LRP1B: variants seen among roughly 807,000 people sequenced by gnomAD.
LRP1B encodes the protein low-density lipoprotein receptor-related protein 1B.
Under a neutral mutation model 556.6 loss-of-function variants are expected in LRP1B, and 217 were observed. The observed-to-expected ratio is 0.39, with a 90% confidence interval of 0.35 to 0.44. The LOEUF (loss-of-function observed/expected upper bound fraction) is 0.44, where lower values mean the gene tolerates loss of function less well. Among genes scored for constraint, LRP1B ranks in the 20% least tolerant of loss-of-function variants. The pLI, the probability that LRP1B is intolerant of heterozygous loss-of-function variation, is 1.00. For synonymous variants in LRP1B, 2,047 were observed against 1,865.8 expected (o/e 1.10, Z -2.50); for missense variants, 5,053 against 5,620.8 (o/e 0.90, Z 3.23).
intron 22 of LRP1B, among the ~76,000 whole-genome samples, chr2:140,906,891 C>T (rs538390730): frequency 6.0e-5 from 9 of 150,130 alleles, no homozygotes; most frequent in African/African-American, 1.5e-4. Context: ...TTAGCCTCAT[C>T]GAATGAAGAC....
At chr2:141,386,935 T>G (rs1467610493) in intron 3 of LRP1B, among the ~76,000 whole-genome samples, 2 of 152,008 alleles carry the variant, frequency 1.3e-5, no homozygotes, top group African/African-American at 4.8e-5. Flanking sequence ...CATTCTCCAG[T>G]ATAGATAGTA....
At chr2:140,903,317 G>A (rs1371004359) in intron 22 of LRP1B, 152 bp from the exon 23 acceptor site, 2 of 800,264 alleles carry the variant, frequency 2.5e-6, no homozygotes, top group African/African-American at 3.5e-5. Context: ...TGCTTCAGGG[G>A]TTGGTATAGA....
chr2:141,228,237 C>T (rs975610260), intron 6 of LRP1B, among the ~76,000 whole-genome samples: 3 of 152,068 alleles, frequency 2.0e-5, no homozygotes, highest in Non-Finnish European at 4.4e-5. Context: ...TTTATTTTAG[C>T]CGAATTTGTA....
chr2:140,852,779 T>G (rs1375085065), intron 27 of LRP1B, among the ~76,000 whole-genome samples: 1 of 152,148 alleles, frequency 6.6e-6, no homozygotes, highest in African/African-American at 2.4e-5. Context: ...TCAATGTCAT[T>G]CTGTGACAGC....
intron 77 of LRP1B, among the ~76,000 whole-genome samples, chr2:140,347,556 G>T (rs1313556167): frequency 1.3e-5 from 2 of 150,280 alleles, no homozygotes; most frequent in Non-Finnish European, 3.0e-5. Context: ...ATATTCTTCT[G>T]GTTTTTGATG....
intron 57 of LRP1B, among the ~76,000 whole-genome samples, chr2:140,490,846 G>A (rs1688667262): frequency 6.6e-6 from 1 of 152,012 alleles, no homozygotes; most frequent in African/African-American, 2.4e-5. Context: ...AGACATAGGT[G>A]TGTTCAGATC....
At chr2:141,244,176 T>C (rs1683986725) in intron 5 of LRP1B, among the ~76,000 whole-genome samples, 1 of 152,194 alleles carries the variant, frequency 6.6e-6, no homozygotes, top group Non-Finnish European at 1.5e-5. Flanking sequence ...TAAAGGGCTA[T>C]TTCTCAGGAA....
intron 20 of LRP1B, among the ~76,000 whole-genome samples, chr2:140,947,483 T>C (rs1348726765): frequency 1.3e-5 from 2 of 152,212 alleles, no homozygotes; most frequent in East Asian, 3.8e-4. Flanking sequence ...CCCTGCTCTT[T>C]CTTCCACAGC....
At chr2:141,189,286 G>A (rs1486006820) in intron 6 of LRP1B, among the ~76,000 whole-genome samples, 1 of 151,952 alleles carries the variant, frequency 6.6e-6, no homozygotes, top group Non-Finnish European at 1.5e-5. Flanking sequence ...ATCAGGCTCA[G>A]AGAGACTTGA....
At chr2:141,187,452 C>A (rs1244560994) in intron 7 of LRP1B, among the ~76,000 whole-genome samples, 1 of 152,030 alleles carries the variant, frequency 6.6e-6, no homozygotes, top group East Asian at 1.9e-4. Context: ...GACATTTCAG[C>A]CTGAACTGCC....
chr2:141,167,004 C>T (rs192576810), intron 7 of LRP1B, among the ~76,000 whole-genome samples: 1 of 152,000 alleles, frequency 6.6e-6, no homozygotes, highest in Admixed American at 6.6e-5. Context: ...TCTGTAGGTA[C>T]ACACTGAAAT....
intron 2 of LRP1B, among the ~76,000 whole-genome samples, chr2:141,601,434 C>T (rs1048767372): frequency 6.6e-6 from 1 of 152,094 alleles, no homozygotes. Context: ...AGTTTCTAGG[C>T]CAGTGAAGCA....
At chr2:140,390,513 G>A (rs151174041) in intron 66 of LRP1B, among the ~76,000 whole-genome samples, 48 of 151,758 alleles carry the variant, frequency 3.2e-4, no homozygotes, top group African/African-American at 1.1e-3. Context: ...TTATAATGTT[G>A]GAAAAGACAA....
intron 41 of LRP1B, among the ~76,000 whole-genome samples, chr2:140,608,354 A>T (rs1470465744): frequency 1.3e-5 from 2 of 152,218 alleles, no homozygotes; most frequent in Non-Finnish European, 2.9e-5. Flanking sequence ...AAAACTGTGC[A>T]ACTGTTGATC....
chr2:140,585,710 C>A (rs1378331259), intron 43 of LRP1B, among the ~76,000 whole-genome samples: 1 of 152,122 alleles, frequency 6.6e-6, no homozygotes, highest in Non-Finnish European at 1.5e-5. Context: ...CTCACTTAGA[C>A]ACCTATATTT....
At position 140,850,094 on chromosome 2, in the gene LRP1B, T is replaced by C. The variant is rs1288797431; in HGVS notation, c.4939+8A>G. On this transcript the variant is annotated splice_region_variant and intron_variant, in intron 29 of 90. Transcript: ENST00000389484. ...CTTTTAAAGTTGTAACATGTACGAA[T>C]CTTTTACCTCTTGAAATAACAGTTT... is the stretch of plus-strand genomic sequence containing the variant. 1 of 1,551,788 alleles carries C rather than the reference T, an allele frequency of 6.4e-7. No individual in the cohort carries two copies. The highest frequency in any genetic ancestry group is 8.9e-7 in the Non-Finnish European group (1 of 1,125,134).
rs529537652 is a variant in LRP1B at position 141,702,056 on chromosome 2, T to C, written c.205+108223A>G. Among the ~76,000 whole-genome samples, 25 of 151,950 alleles carry C rather than the reference T, an allele frequency of 1.6e-4. 1 individual carries two copies. In the South Asian group the frequency reaches 3.1e-3, roughly 19 times the overall value. On this transcript the variant is annotated intron_variant, in intron 2 of 90. Transcript: ENST00000389484. Reference sequence around the variant, plus strand: ...AGACCAAGGCAGGCACAATCCCTGATGATAGAAGGAACTGGGGAATATCCT... The same window carrying C: ...AGACCAAGGCAGGCACAATCCCTGACGATAGAAGGAACTGGGGAATATCCT...
intron 2 of LRP1B, among the ~76,000 whole-genome samples, chr2:141,786,047 T>C (rs186793155): frequency 5.9e-5 from 9 of 152,030 alleles, no homozygotes; most frequent in Non-Finnish European, 1.2e-4. Context: ...CATTTTCTCA[T>C]AACCTCTATA....
intron 20 of LRP1B, among the ~76,000 whole-genome samples, chr2:140,949,663 G>A (rs1256411520): frequency 6.6e-6 from 1 of 151,722 alleles, no homozygotes; most frequent in Non-Finnish European, 1.5e-5. Flanking sequence ...TAAGTATGCC[G>A]GGCGCGGTGG....
Sources: gnomAD v4.1 joint callset for allele counts (sites outside exome capture counted in the v4.1 genomes callset) on GRCh38, gnomAD v4.1.1 for gene constraint, MANE v1.5 for transcripts, NCBI Gene and HGNC (gene_info 2026-07-23, HGNC 2026-07-21) for gene names.